TEAD4: variants seen among roughly 807,000 people sequenced by gnomAD.
TEAD4 encodes the protein transcriptional enhancer factor TEF-3.
TEAD4 carries 36 observed loss-of-function variants against 52.4 expected under a neutral mutation model. That is an observed-to-expected ratio of 0.69 (90% confidence interval 0.53 to 0.91). The LOEUF (loss-of-function observed/expected upper bound fraction) is 0.91. TEAD4 is among the 40% of genes least tolerant of loss of function. The pLI is 0.00. For missense variants in TEAD4, 508 were observed against 583.9 expected, an observed-to-expected ratio of 0.87 and a Z score of 1.34; for synonymous variants, 220 against 231.0, an observed-to-expected ratio of 0.95 and a Z score of 0.43.
chr12:2,982,016 C>T (rs1183180349), intron 2 of TEAD4, among the ~76,000 whole-genome samples: 2 of 152,040 alleles, frequency 1.3e-5, no homozygotes, highest in African/African-American at 4.8e-5. Flanking sequence ...CTGCAGAAGG[C>T]TCTGAAAGGA....
Position 3,011,024 on chromosome 12 carries a change from C to G in TEAD4, c.247C>G (p.Arg83Gly). ...TGCAGGTCGGAACGAGCTGATTGCCCGCTACATCAAGCTCCGGACAGGGAA... is the reference window on the plus strand; with the variant it reads ...TGCAGGTCGGAACGAGCTGATTGCCGGCTACATCAAGCTCCGGACAGGGAA... The change falls in exon 4 of 13, where the codon CGC becomes GGC. Residue 83 changes from arginine to glycine, a missense_variant. Physicochemically the swap from Arg to Gly is moderately radical, Grantham distance 125. Coordinates refer to ENST00000359864, the MANE Select transcript of TEAD4 (RefSeq NM_003213.4). 1 of 1,614,112 alleles carries G rather than the reference C, an allele frequency of 6.2e-7. No individual in the cohort carries two copies. The highest frequency in any genetic ancestry group is 8.5e-7 in the Non-Finnish European group (1 of 1,179,994).
chr12:3,019,271 T>G, intron 8 of TEAD4, 101 bp downstream of exon 8: 1 of 1,354,724 alleles, frequency 7.4e-7, no homozygotes, highest in Non-Finnish European at 1.0e-6. Context: ...CCCTGTTAGA[T>G]GCTGCCCCGT....
chr12:3,017,635 CCT>C (rs1272939430), intron 6 of TEAD4, 109 bp downstream of exon 6: 2 of 1,419,888 alleles, frequency 1.4e-6, no homozygotes, highest in Non-Finnish European at 1.9e-6. Flanking sequence ...TCACCTGAGT[CCT>C]CTTGGCCAGG....
At chr12:2,986,417 C>T (rs537486785) in intron 2 of TEAD4, among the ~76,000 whole-genome samples, 1 of 152,032 alleles carries the variant, frequency 6.6e-6, no homozygotes, top group Non-Finnish European at 1.5e-5. Flanking sequence ...ACGGGCCAAT[C>T]ACCAGAGGTC....
chr12:3,017,439 C>T lies in TEAD4; in HGVS notation c.396C>T (p.Ala132=), dbSNP rs776967856. Residue 132 remains alanine (A), a synonymous_variant, in exon 6 of 13, where the codon GCC becomes GCT. Transcript: ENST00000359864. ...ACAAGGCCCTGCAGAGCATGGCTGCCATGTCGTCTGCACAGATCATCTCCG... is the reference window on the plus strand; with the variant it reads ...ACAAGGCCCTGCAGAGCATGGCTGCTATGTCGTCTGCACAGATCATCTCCG... The T allele has an allele frequency of 1.2e-6, 2 of 1,614,198 alleles. No individual in the cohort carries two copies. The highest frequency in any genetic ancestry group is 2.2e-5 in the South Asian group (2 of 91,082).
intron 2 of TEAD4, among the ~76,000 whole-genome samples, chr12:2,976,972 T>G (rs1216597203): frequency 6.6e-6 from 1 of 152,208 alleles, no homozygotes; most frequent in Non-Finnish European, 1.5e-5. Flanking sequence ...CTTGCTAGCC[T>G]GCAGGCCTCC....
chr12:3,012,931 G>T (rs973169638), intron 5 of TEAD4, among the ~76,000 whole-genome samples: 1 of 152,166 alleles, frequency 6.6e-6, no homozygotes, highest in Non-Finnish European at 1.5e-5. Flanking sequence ...GAGGCATTAA[G>T]TCTAGACCAT....
chr12:3,020,149 T>C (rs1171691380), intron 8 of TEAD4, among the ~76,000 whole-genome samples: 4 of 152,204 alleles, frequency 2.6e-5, no homozygotes, highest in Non-Finnish European at 5.9e-5. Flanking sequence ...CAACGCTGGA[T>C]TGAGGGGCTC....
chr12:2,961,739 T>TTG (rs1464055916), intron 2 of TEAD4, among the ~76,000 whole-genome samples: 1 of 152,212 alleles, frequency 6.6e-6, no homozygotes, highest in Non-Finnish European at 1.5e-5. Context: ...AGGATAGCTG[T>TTG]TGTATCCAGT....
At chr12:2,962,366 G>A (rs1203210695) in intron 2 of TEAD4, among the ~76,000 whole-genome samples, 3 of 45,256 alleles carry the variant, frequency 6.6e-5, no homozygotes, top group Non-Finnish European at 1.4e-4. Flanking sequence ...ATGGAGTTTC[G>A]CTCTTGTTGC....
rs146494948 is a variant in TEAD4 at position 3,011,311 on chromosome 12, A to G, written c.291+243A>G. Among the ~76,000 whole-genome samples the G allele has an allele frequency of 3.3e-3, 498 of 151,276 alleles. 1 individual carries two copies. The highest frequency in any genetic ancestry group is 0.011 in the African/African-American group (451 of 41,050). On this transcript the variant is annotated intron_variant, in intron 4 of 12. Coordinates refer to ENST00000359864, the MANE Select transcript of TEAD4 (RefSeq NM_003213.4). The stretch of plus-strand genomic sequence containing the variant: ...AATGACGTGATCTCGGCTCACCGCA[A>G]CCTTCTCCTCCTGGGTTCAAGTGAT...
intron 6 of TEAD4, 93 bp from the exon 7 acceptor site, chr12:3,018,452 T>G (rs1025416722): frequency 6.8e-7 from 1 of 1,467,756 alleles, no homozygotes; most frequent in Non-Finnish European, 9.5e-7. Flanking sequence ...CTCCTCCCAG[T>G]GGAGGCCCTG....
intron 5 of TEAD4, among the ~76,000 whole-genome samples, chr12:3,015,441 G>A (rs2098263738): frequency 6.6e-6 from 1 of 152,232 alleles, no homozygotes; most frequent in Non-Finnish European, 1.5e-5. Flanking sequence ...CCACATGGGT[G>A]AAATGGTCAC....
At chr12:3,001,327 A>G (rs1048915996) in intron 3 of TEAD4, among the ~76,000 whole-genome samples, 2 of 152,356 alleles carry the variant, frequency 1.3e-5, no homozygotes, top group South Asian at 2.1e-4. Flanking sequence ...TGCAACCATC[A>G]TCACCATCCA....
At chr12:3,000,540 T>A (rs990633796) in intron 3 of TEAD4, among the ~76,000 whole-genome samples, 2 of 152,126 alleles carry the variant, frequency 1.3e-5, no homozygotes, top group Non-Finnish European at 1.5e-5. Flanking sequence ...GATTAATCCA[T>A]CGTGAAGGCA....
rs1484104558 is a variant in TEAD4, at chr12:3,011,066, C to T, written c.289C>T (p.Gln97Ter). Reference sequence around the variant, plus strand: ...GACAGGGAAGACCCGCACCAGGAAGCAGGTGGGCCTCAAGAGACGGGTAGG... The same window carrying T: ...GACAGGGAAGACCCGCACCAGGAAGTAGGTGGGCCTCAAGAGACGGGTAGG... Residue 97 changes from glutamine (Q) to a stop codon, truncating the protein, a stop_gained and splice_region_variant, in exon 4 of 13, where the codon CAG becomes TAG. Coordinates refer to ENST00000359864, the MANE Select transcript of TEAD4 (RefSeq NM_003213.4). LOFTEE classifies it high-confidence loss of function. The T allele has an allele frequency of 1.2e-6, 2 of 1,613,994 alleles. No individual in the cohort carries two copies. The highest frequency in any genetic ancestry group is 1.7e-6 in the Non-Finnish European group (2 of 1,180,004).
intron 2 of TEAD4, among the ~76,000 whole-genome samples, chr12:2,986,966 G>T (rs565305251): frequency 1.3e-5 from 2 of 152,294 alleles, no homozygotes; most frequent in East Asian, 3.9e-4. Flanking sequence ...ATTTTGTTAT[G>T]CAGTGCATGA....
At chr12:2,983,911 C>A (rs900051474) in intron 2 of TEAD4, among the ~76,000 whole-genome samples, 10 of 152,184 alleles carry the variant, frequency 6.6e-5, no homozygotes, top group African/African-American at 2.4e-4. Context: ...GGAGACCAGT[C>A]CTTACTGGGA....
intron 3 of TEAD4, among the ~76,000 whole-genome samples, chr12:2,995,836 A>C (rs1186227225): frequency 2.0e-5 from 3 of 152,022 alleles, no homozygotes; most frequent in Non-Finnish European, 2.9e-5. Flanking sequence ...GCGAGACACC[A>C]TCTGGAGTAA....
Sources: gnomAD v4.1 joint callset for allele counts (sites outside exome capture counted in the v4.1 genomes callset) on GRCh38, gnomAD v4.1.1 for gene constraint, MANE v1.5 for transcripts, NCBI Gene and HGNC (gene_info 2026-07-23, HGNC 2026-07-21) for gene names.